The following DIPK1A variants were observed in gnomAD, a reference collection of about 807,000 sequenced individuals.
DIPK1A encodes family with sequence similarity 69 member A.
A neutral mutation model predicts 40.8 loss-of-function variants in DIPK1A; 27 were observed. That is an observed-to-expected ratio of 0.66 (90% CI 0.49 to 0.91). DIPK1A has a LOEUF of 0.91. Ranked by LOEUF, DIPK1A falls within the 40% of genes least tolerant of loss-of-function variation. The pLI is 0.00. For synonymous variants in DIPK1A, 166 were observed against 171.3 expected (o/e 0.97, Z 0.24); for missense variants, 412 against 505.7 (o/e 0.81, Z 1.78).
intron 2 of DIPK1A, among the ~76,000 whole-genome samples, chr1:92,851,231 C>T (rs1687808182): frequency 6.6e-6 from 1 of 151,984 alleles, no homozygotes; most frequent in Admixed American, 6.6e-5. Flanking sequence ...AGAATAGAGG[C>T]ACTCTATCTT....
At chr1:92,908,918 T>C (rs985975582) in intron 1 of DIPK1A, among the ~76,000 whole-genome samples, 1 of 152,286 alleles carries the variant, frequency 6.6e-6, no homozygotes, top group East Asian at 1.9e-4. Flanking sequence ...TACCAGATGA[T>C]TTCTGTTTTC....
chr1:92,835,660 C>A (rs866181682), intron 4 of DIPK1A, among the ~76,000 whole-genome samples: 679 of 123,242 alleles, frequency 5.5e-3, no homozygotes, highest in Non-Finnish European at 6.1e-3. Context: ...AACTGTGTCT[C>A]AAAAAAAAAA....
chr1:92,878,611 G>C (rs564640133), intron 1 of DIPK1A, among the ~76,000 whole-genome samples: 8 of 152,130 alleles, frequency 5.3e-5, no homozygotes, highest in Non-Finnish European at 5.9e-5. Flanking sequence ...ACGAGGTCAG[G>C]AGATCGAGAC....
At chr1:92,836,083 TTTTCTTTTCCAGATGTCAGTGGTCC>T in intron 4 of DIPK1A, 1 of 1,045,960 alleles carries the variant, frequency 9.6e-7, no homozygotes, top group Non-Finnish European at 1.5e-6. Flanking sequence ...TGGAAGGAAA[TTTTCTTTTCCAGATGTCAGTGGTCC>T]TTACGGTTAT....
rs904795859 is a variant in DIPK1A at position 92,842,539 on chromosome 1, C to T, written c.*844G>A. 15 of 984,768 alleles carry T rather than the reference C, an allele frequency of 1.5e-5. No individual in the cohort carries two copies. Among genetic ancestry groups the T allele is most frequent in the African/African-American group, 1.7e-5 (1 of 57,310 alleles). 61.0% of individuals were successfully genotyped at this position (984,768 alleles called of 1,614,324 possible). A position where few individuals can be genotyped will look rare whatever the true frequency, so the allele number is the denominator to read the frequency against. ...CTCTTTAAGAAATAGCCCTTTGGCC[C>T]ACAGGATATACTGTTTGAAAATGGA... On this transcript the variant is annotated 3_prime_UTR_variant, in exon 5 of 5. Coordinates refer to ENST00000370310, the MANE Select transcript of DIPK1A (RefSeq NM_001006605.5).
chr1:92,918,385 G>A (rs1284692682), intron 1 of DIPK1A, among the ~76,000 whole-genome samples: 3 of 152,200 alleles, frequency 2.0e-5, no homozygotes, highest in African/African-American at 7.2e-5. Context: ...TTCACCTCAG[G>A]TGATGCGCCT....
At chr1:92,834,957 G>C in intron 4 of DIPK1A, 1 of 1,599,542 alleles carries the variant, frequency 6.3e-7, no homozygotes, top group South Asian at 1.1e-5. Flanking sequence ...GTGGCTGATT[G>C]CTTGGAGAGT....
At chr1:92,876,972 G>T in intron 1 of DIPK1A, 1 of 985,008 alleles carries the variant, frequency 1.0e-6, no homozygotes, top group Non-Finnish European at 1.2e-6. Context: ...AGGGCTTTAT[G>T]TTCCTCTTGT....
chr1:92,866,104 T>C (rs1647522537), intron 2 of DIPK1A, among the ~76,000 whole-genome samples: 1 of 152,026 alleles, frequency 6.6e-6, no homozygotes, highest in Non-Finnish European at 1.5e-5. Flanking sequence ...GGGGTTTTCT[T>C]GTTTGTTTGT....
At chr1:92,956,664 T>C (rs1273577368) in intron 1 of DIPK1A, among the ~76,000 whole-genome samples, 2 of 152,316 alleles carry the variant, frequency 1.3e-5, no homozygotes, top group Admixed American at 6.5e-5. Context: ...GCACTAAATC[T>C]CACAAAATAT....
chr1:92,950,892 G>A (rs529946697), intron 1 of DIPK1A, among the ~76,000 whole-genome samples: 12 of 152,202 alleles, frequency 7.9e-5, no homozygotes, highest in African/African-American at 2.6e-4. Flanking sequence ...TGGTACCACC[G>A]TTAAACCTAA....
chr1:92,929,476 C>T (rs1212991555), intron 1 of DIPK1A, among the ~76,000 whole-genome samples: 1 of 152,190 alleles, frequency 6.6e-6, no homozygotes. Context: ...TGCATCTCCT[C>T]CCCTTCCACG....
chr1:92,862,983 T>C (rs906891138), intron 2 of DIPK1A, among the ~76,000 whole-genome samples: 4 of 152,236 alleles, frequency 2.6e-5, no homozygotes, highest in Admixed American at 6.5e-5. Context: ...GATACACTTA[T>C]GCTGAAAAAT....
chr1:92,833,162 T>C (rs1686977398), intron 4 of DIPK1A: 1 of 655,206 alleles, frequency 1.5e-6, no homozygotes. Flanking sequence ...ATTCCATATT[T>C]CTCTAAGGAT....
chr1:92,837,468 C>G, downstream of DIPK1A: 1 of 1,613,270 alleles, frequency 6.2e-7, no homozygotes, highest in Non-Finnish European at 8.5e-7. Context: ...CCAAACGATT[C>G]CCTGGTTATG....
chr1:92,841,814 T>G (rs1446214511), downstream of DIPK1A: 2 of 1,611,764 alleles, frequency 1.2e-6, no homozygotes, highest in African/African-American at 2.7e-5. Context: ...ATCGGGTAGC[T>G]CAAAAGAAGG....
intron 1 of DIPK1A, among the ~76,000 whole-genome samples, chr1:92,903,563 T>G (rs1282745953): frequency 6.6e-6 from 1 of 152,200 alleles, no homozygotes. Flanking sequence ...AGCTGGTGAA[T>G]GACCAACTCA....
chr1:92,955,700 A>G (rs2100921795), intron 1 of DIPK1A, among the ~76,000 whole-genome samples: 1 of 147,662 alleles, frequency 6.8e-6, no homozygotes, highest in South Asian at 2.2e-4. Flanking sequence ...TCTGTCTCAA[A>G]AAAAAAAAAA....
At chr1:92,848,745 C>G (rs1460211415) in intron 3 of DIPK1A, among the ~76,000 whole-genome samples, 3 of 152,170 alleles carry the variant, frequency 2.0e-5, no homozygotes, top group Non-Finnish European at 4.4e-5. Flanking sequence ...ATCTGTCTCC[C>G]TCAGTGCCTC....
Sources: gnomAD v4.1 joint callset for allele counts (sites outside exome capture counted in the v4.1 genomes callset) on GRCh38, gnomAD v4.1.1 for gene constraint, MANE v1.5 for transcripts, NCBI Gene and HGNC (gene_info 2026-07-23, HGNC 2026-07-21) for gene names.